The following USB1 variants were observed in gnomAD, a reference collection of about 807,000 sequenced individuals.
USB1 encodes the protein U6 snRNA phosphodiesterase 1.
USB1 carries 21 observed loss-of-function variants against 29.9 expected under a neutral mutation model. That is an observed-to-expected ratio of 0.70 (90% CI 0.50 to 1.01). The LOEUF (loss-of-function observed/expected upper bound fraction) is 1.01. Ranked by LOEUF, USB1 falls within the 50% of genes least tolerant of loss-of-function variation. The pLI, the probability that USB1 is intolerant of heterozygous loss-of-function variation, is 0.00. For missense variants in USB1, 330 were observed against 347.1 expected, an observed-to-expected ratio of 0.95 and a Z score of 0.39; for synonymous variants, 143 against 134.9, an observed-to-expected ratio of 1.06 and a Z score of -0.42.
chr16:58,017,203 G>C, intron 4 of USB1, 131 bp from the exon 5 acceptor site: 1 of 784,256 alleles, frequency 1.3e-6, no homozygotes, highest in Non-Finnish European at 2.3e-6. Context: ...GCAGGAAAGC[G>C]AGTGTACCAG....
chr16:58,009,341 TC>T (rs1963436386), intron 2 of USB1, among the ~76,000 whole-genome samples: 1 of 152,158 alleles, frequency 6.6e-6, no homozygotes, highest in Non-Finnish European at 1.5e-5. Flanking sequence ...GTATTTCACT[TC>T]CCCTAGGTCA....
At chr16:58,016,950 A>C in intron 4 of USB1, 1 of 317,122 alleles carries the variant, frequency 3.2e-6, no homozygotes, top group South Asian at 2.9e-5. Flanking sequence ...GAGGCGTGGC[A>C]GATGCCTGGG....
chr16:58,004,799 G>A (rs1011891803), intron 2 of USB1, among the ~76,000 whole-genome samples: 1 of 152,198 alleles, frequency 6.6e-6, no homozygotes, highest in Non-Finnish European at 1.5e-5. Context: ...GTGCGGAGAC[G>A]AGAGATTGTA....
intron 3 of USB1, chr16:58,012,641 GT>G: frequency 7.7e-7 from 1 of 1,292,130 alleles, no homozygotes; most frequent in Non-Finnish European, 9.8e-7. Flanking sequence ...CCCGTCTCCT[GT>G]GTGCTTTCTT....
intron 1 of USB1, 24 bp downstream of exon 1, chr16:58,001,605 G>A: frequency 1.3e-6 from 2 of 1,585,544 alleles, no homozygotes; most frequent in Middle Eastern, 1.7e-4. Flanking sequence ...AAGTCTCTCC[G>A]GAGGGCGCGC....
At chr16:58,017,960 G>A (rs954836691) in intron 5 of USB1, among the ~76,000 whole-genome samples, 3 of 152,198 alleles carry the variant, frequency 2.0e-5, no homozygotes, top group African/African-American at 7.2e-5. Context: ...CAAAACTTGA[G>A]ACTTTGGGGA....
upstream of USB1, among the ~76,000 whole-genome samples, chr16:58,001,091 C>G (rs1963172420): frequency 6.6e-6 from 1 of 152,166 alleles, no homozygotes; most frequent in African/African-American, 2.4e-5. Flanking sequence ...CCTGGCCGGG[C>G]TCGGGGCAGG....
chr16:58,017,568 A>G, intron 5 of USB1, 129 bp downstream of exon 5: 2 of 842,966 alleles, frequency 2.4e-6, no homozygotes, highest in South Asian at 1.4e-5. Context: ...TCTGAATGCC[A>G]GCCTTCTGAG....
At chr16:58,010,139 C>T in intron 3 of USB1, 27 bp downstream of exon 3, 1 of 1,613,416 alleles carries the variant, frequency 6.2e-7, no homozygotes, top group Non-Finnish European at 8.5e-7. Flanking sequence ...TCTGCCTCTC[C>T]ACTCCCTCCC....
chr16:58,001,375 G>T, upstream of USB1: 1 of 1,319,148 alleles, frequency 7.6e-7, no homozygotes. Context: ...GCCCCGAGGC[G>T]GTGCCAGCCC....
intron 3 of USB1, chr16:58,011,645 G>A (rs1269947456): frequency 4.0e-6 from 4 of 988,618 alleles, no homozygotes; most frequent in Non-Finnish European, 3.6e-6. Flanking sequence ...AGTTGGCCCT[G>A]TGGTTGTTTC....
At position 58,013,036 on chromosome 16, in the gene USB1, A is replaced by G; in HGVS notation, c.450-1237A>G. ...AGGAAAGGATCTGTGTCATGAGTGA[A>G]GCCCGGGCAGGTGTGGTCTGTTCAA... is the stretch of plus-strand genomic sequence containing the variant. On this transcript the variant is annotated intron_variant, in intron 3 of 6. Coordinates refer to ENST00000219281, the MANE Select transcript of USB1 (RefSeq NM_024598.4). The surrounding 1 kb of genome is among the most constrained non-coding windows in gnomAD (Gnocchi z 4.3). 1 of 985,550 alleles carries G rather than the reference A, an allele frequency of 1.0e-6. No individual in the cohort carries two copies. Among genetic ancestry groups the G allele is most frequent in the East Asian group, 1.1e-4 (1 of 8,812 alleles). 61.1% of individuals were successfully genotyped at this position (985,550 alleles called of 1,614,324 possible).
intron 3 of USB1, chr16:58,010,807 G>A (rs917345509): frequency 3.5e-6 from 2 of 577,014 alleles, no homozygotes; most frequent in Non-Finnish European, 6.2e-6. Flanking sequence ...TGTGGAGTTG[G>A]GAGTGAGCCA....
chr16:58,001,987 G>C (rs1251342650), intron 1 of USB1, among the ~76,000 whole-genome samples: 3 of 152,200 alleles, frequency 2.0e-5, no homozygotes, highest in Non-Finnish European at 2.9e-5. Context: ...GCCAGGCTGG[G>C]GTCTGGTAAT....
At chr16:58,009,111 C>T (rs930193611) in intron 2 of USB1, among the ~76,000 whole-genome samples, 1 of 152,098 alleles carries the variant, frequency 6.6e-6, no homozygotes, top group Non-Finnish European at 1.5e-5. Flanking sequence ...AATTTTTCCT[C>T]GATAGCTGGA....
At chr16:58,004,555 C>A (rs1184124458) in intron 2 of USB1, among the ~76,000 whole-genome samples, 1 of 152,128 alleles carries the variant, frequency 6.6e-6, no homozygotes, top group Non-Finnish European at 1.5e-5. Context: ...GCTTGGATTA[C>A]AGGGATGAGC....
chr16:58,001,286 T>A, upstream of USB1: 1 of 668,540 alleles, frequency 1.5e-6, no homozygotes, highest in Admixed American at 2.4e-5. Context: ...CAGATCCGCG[T>A]GCGCAGCCGG....
Position 58,020,505 on chromosome 16 carries a change from T to G in USB1, c.*260T>G. 2 of 527,044 alleles carry G rather than the reference T, an allele frequency of 3.8e-6. No individual in the cohort carries two copies. Among genetic ancestry groups the G allele is most frequent in the Non-Finnish European group, 6.9e-6 (2 of 291,706 alleles). 32.6% of individuals were successfully genotyped at this position (527,044 alleles called of 1,614,324 possible). A position where few individuals can be genotyped will look rare whatever the true frequency, so the allele number is the denominator to read the frequency against. On this transcript the variant is annotated 3_prime_UTR_variant, in exon 7 of 7. Coordinates refer to ENST00000219281, the MANE Select transcript of USB1 (RefSeq NM_024598.4). Reference sequence around the variant, plus strand: ...CTCTCCTCTCTTCCTCTCTTCTCTCTTCCTCTCCTCTCTCTCTTCCTCTTC... The same window carrying G: ...CTCTCCTCTCTTCCTCTCTTCTCTCGTCCTCTCCTCTCTCTCTTCCTCTTC...
chr16:58,010,940 C>T, intron 3 of USB1: 1 of 698,392 alleles, frequency 1.4e-6, no homozygotes, highest in Non-Finnish European at 2.6e-6. Flanking sequence ...TCTCTAGCTT[C>T]CCTCCCATAC....
Sources: gnomAD v4.1 joint callset for allele counts (sites outside exome capture counted in the v4.1 genomes callset) on GRCh38, gnomAD v4.1.1 for gene constraint, Gnocchi (gnomAD v3.1) non-coding constraint, MANE v1.5 for transcripts, NCBI Gene and HGNC (gene_info 2026-07-23, HGNC 2026-07-21) for gene names.